The following HSDL2 variants were observed in gnomAD, a reference collection of about 807,000 sequenced individuals.
HSDL2 encodes the protein hydroxysteroid dehydrogenase-like protein 2.
In HSDL2, 27 loss-of-function variants were observed where a neutral mutation model predicts 46.3. That is an observed-to-expected ratio of 0.58 (90% CI 0.43 to 0.80). The LOEUF (loss-of-function observed/expected upper bound fraction) is 0.80, where lower values mean the gene tolerates loss of function less well. Among genes scored for constraint, HSDL2 ranks in the 30% least tolerant of loss-of-function variants. HSDL2 has a pLI of 0.00. For missense variants in HSDL2, 451 were observed against 502.7 expected (o/e 0.90, Z 0.98); for synonymous variants, 153 against 163.6 (o/e 0.94, Z 0.50).
chr9:112,398,985 C>T (rs1161520872), intron 1 of HSDL2, among the ~76,000 whole-genome samples: 5 of 152,128 alleles, frequency 3.3e-5, no homozygotes, highest in Non-Finnish European at 5.9e-5. Context: ...GTCAGGGAGC[C>T]GAACAAGCGT....
chr9:112,420,219 C>T (rs886418351), intron 6 of HSDL2, among the ~76,000 whole-genome samples: 2 of 152,052 alleles, frequency 1.3e-5, no homozygotes, highest in Non-Finnish European at 2.9e-5. Context: ...GAGGCTGAGG[C>T]ATGAGAATCA....
intron 6 of HSDL2, among the ~76,000 whole-genome samples, chr9:112,419,718 C>T (rs980061237): frequency 3.9e-5 from 6 of 152,176 alleles, no homozygotes; most frequent in African/African-American, 1.4e-4. Context: ...TCTTTCCTTT[C>T]ACATGAATTC....
rs140755921 is a variant in HSDL2, at chr9:112,417,883, G to A, written c.499+939G>A. 6.7e-4 allele frequency among the ~76,000 whole-genome samples: 101 copies of A among 151,390 alleles called. 1 individual carries two copies. In the East Asian group the frequency reaches 0.018, roughly 27 times the overall value. ...ACTTGAGGTCAGGAGTTTGAGACCA[G>A]CCTGGCCAACATAGTGAAACTCCAT... On this transcript the variant is annotated intron_variant, in intron 5 of 10. Transcript: ENST00000398805.
intron 1 of HSDL2, 32 bp from the exon 2 acceptor site, chr9:112,403,963 C>G (rs1831664616): frequency 1.9e-6 from 3 of 1,592,782 alleles, no homozygotes; most frequent in Non-Finnish European, 2.6e-6. Context: ...AACATTGGGT[C>G]TTCTAATAAG....
Position 112,385,837 on chromosome 9 carries a change from C to G in HSDL2, c.17+5657C>G, listed in dbSNP as rs150107773. Among the ~76,000 whole-genome samples, 23 of 152,100 alleles carry G rather than the reference C, an allele frequency of 1.5e-4. No individual in the cohort carries two copies. The East Asian group carries it at 4.4e-3, about 29-fold the overall frequency. ...AGAGACGGGGTTTCACCATGTTGGC[C>G]AGGCTGGTCTTGAGCTGACTTCAGG... On this transcript the variant is annotated intron_variant, in intron 1 of 10. Coordinates refer to ENST00000398805, the MANE Select transcript of HSDL2 (RefSeq NM_032303.5).
chr9:112,389,415 GT>G (rs1366803354), intron 1 of HSDL2, among the ~76,000 whole-genome samples: 1 of 152,136 alleles, frequency 6.6e-6, no homozygotes, highest in East Asian at 1.9e-4. Flanking sequence ...AATCATTGGG[GT>G]AAAATATTAA....
chr9:112,442,555 T>G (rs1376959246), intron 8 of HSDL2, among the ~76,000 whole-genome samples: 6 of 152,196 alleles, frequency 3.9e-5, no homozygotes, highest in Middle Eastern at 3.2e-3. Context: ...TAAACAATAG[T>G]GCCCTTGAAT....
chr9:112,383,355 G>T (rs113200147), intron 1 of HSDL2, among the ~76,000 whole-genome samples: 3,441 of 152,202 alleles, frequency 0.023, 147 homozygotes, highest in African/African-American at 0.078. Flanking sequence ...TTACAGGTGT[G>T]AGCCACCGTG....
intron 6 of HSDL2, among the ~76,000 whole-genome samples, chr9:112,426,647 G>A (rs1359683648): frequency 6.6e-6 from 1 of 152,148 alleles, no homozygotes; most frequent in Non-Finnish European, 1.5e-5. Flanking sequence ...AAGAAAAATC[G>A]ATAGTGCAGC....
At chr9:112,436,960 C>CTTTTTTTTTTTTTTTTTT (rs780957603) in intron 6 of HSDL2, among the ~76,000 whole-genome samples, 8 of 126,780 alleles carry the variant, frequency 6.3e-5, no homozygotes, top group Admixed American at 1.7e-4. Flanking sequence ...TTCTTTTTTT[C>CTTTTTTTTTTTTTTTTTT]TTTTTTTTTT....
chr9:112,388,325 G>T lies in HSDL2; in HGVS notation c.17+8145G>T, dbSNP rs191565564. The stretch of plus-strand genomic sequence containing the variant: ...AAAATAGAAAAATTAGCTGGGCGTT[G>T]TGGTGCGTGCCTGTAATCCCAGCTA... On this transcript the variant is annotated intron_variant, in intron 1 of 10. Transcript: ENST00000398805. Among the ~76,000 whole-genome samples, 211 of 151,930 alleles carry T rather than the reference G, an allele frequency of 1.4e-3. 4 individuals are homozygous for T. The highest frequency in any genetic ancestry group is 7.4e-3 in the East Asian group (38 of 5,154).
At chr9:112,451,222 A>C in intron 8 of HSDL2, among the ~76,000 whole-genome samples, 1 of 152,196 alleles carries the variant, frequency 6.6e-6, no homozygotes, top group East Asian at 1.9e-4. Flanking sequence ...ATTGGAATTC[A>C]TAGCTCAATT....
chr9:112,408,912 G>C lies in HSDL2; in HGVS notation c.286G>C (p.Asp96His). 1 of 1,482,566 alleles carries C rather than the reference G, an allele frequency of 6.7e-7. No individual in the cohort carries two copies. Among genetic ancestry groups the C allele is most frequent in the Non-Finnish European group, 9.3e-7 (1 of 1,075,100 alleles). 91.8% of individuals were successfully genotyped at this position (1,482,566 alleles called of 1,614,324 possible). Residue 96 changes from aspartate (D) to histidine (H), a missense_variant, in exon 4 of 11, where the codon GAT becomes CAT. Transcript: ENST00000398805. Reference protein sequence around the residue: ...EKAIKKFGGIDILVNNASAIS... With the variant: ...EKAIKKFGGIHILVNNASAIS... ...ATTGATTATTTTGAAAACAGGAATT[G>C]ATATTCTGGTAAATAATGCCAGTGC...
At chr9:112,389,072 G>A (rs994103574) in intron 1 of HSDL2, among the ~76,000 whole-genome samples, 1 of 151,520 alleles carries the variant, frequency 6.6e-6, no homozygotes, top group African/African-American at 2.4e-5. Context: ...CTGTTTCCCA[G>A]GCTAGAGTAC....
chr9:112,449,011 T>TAA (rs10654661), intron 8 of HSDL2, among the ~76,000 whole-genome samples: 145,169 of 151,902 alleles, frequency 0.96, 69,433 homozygotes, highest in African/African-American at 0.98. Flanking sequence ...AAAACCTGTT[T>TAA]GAGTTGACAT....
intron 7 of HSDL2, 185 bp downstream of exon 7, chr9:112,438,810 G>A: frequency 2.3e-6 from 1 of 442,950 alleles, no homozygotes; most frequent in Non-Finnish European, 4.0e-6. Context: ...ATGAAAAATA[G>A]AGGTGAGTTG....
At chr9:112,388,702 T>TGAG (rs1413284627) in intron 1 of HSDL2, among the ~76,000 whole-genome samples, 1 of 151,726 alleles carries the variant, frequency 6.6e-6, no homozygotes, top group African/African-American at 2.4e-5. Context: ...TGCAGTGAGC[T>TGAG]GAGATAGTGC....
chr9:112,445,589 A>T (rs953757054), intron 8 of HSDL2, among the ~76,000 whole-genome samples: 1 of 151,792 alleles, frequency 6.6e-6, no homozygotes, highest in African/African-American at 2.4e-5. Flanking sequence ...CAGTGGCATG[A>T]TCTTGGCTCA....
At chr9:112,461,488 T>G (rs1423322877) in intron 10 of HSDL2, among the ~76,000 whole-genome samples, 1 of 152,216 alleles carries the variant, frequency 6.6e-6, no homozygotes, top group African/African-American at 2.4e-5. Context: ...TCAATGAATG[T>G]TTGGTGAATC....
Sources: gnomAD v4.1 joint callset for allele counts (sites outside exome capture counted in the v4.1 genomes callset) on GRCh38, gnomAD v4.1.1 for gene constraint, MANE v1.5 for transcripts, NCBI Gene and HGNC (gene_info 2026-07-23, HGNC 2026-07-21) for gene names.